The following RANBP17 variants were observed in gnomAD, a reference collection of about 807,000 sequenced individuals.
RANBP17 encodes the protein ran-binding protein 17.
RANBP17 carries 158 observed loss-of-function variants against 141.2 expected under a neutral mutation model. That is an observed-to-expected ratio of 1.12 (90% CI 0.98 to 1.28). The LOEUF (loss-of-function observed/expected upper bound fraction) is 1.28. Among genes scored for constraint, RANBP17 ranks in the 50% most tolerant of loss-of-function variants. The probability of loss-of-function intolerance (pLI) is 0.00; values close to 1 mark genes in which losing one functional copy is unlikely to be tolerated. For synonymous variants in RANBP17, 430 were observed against 450.0 expected (o/e 0.96, Z 0.56); for missense variants, 1,438 against 1,290.7 (o/e 1.11, Z -1.75).
chr5:171,214,825 C>G (rs972278398), intron 21 of RANBP17, among the ~76,000 whole-genome samples: 1 of 151,496 alleles, frequency 6.6e-6, no homozygotes, highest in African/African-American at 2.4e-5. Flanking sequence ...ACATTTAATA[C>G]TAAAGGGAAA....
intron 25 of RANBP17, among the ~76,000 whole-genome samples, chr5:171,287,669 C>A (rs1363008631): frequency 6.6e-6 from 1 of 150,794 alleles, no homozygotes; most frequent in African/African-American, 2.5e-5. Context: ...TTTCTTTGGT[C>A]TGTCTTTTTG....
At chr5:171,021,582 C>T (rs901330959) in intron 14 of RANBP17, among the ~76,000 whole-genome samples, 1 of 152,252 alleles carries the variant, frequency 6.6e-6, no homozygotes, top group Non-Finnish European at 1.5e-5. Flanking sequence ...ATTGTATATG[C>T]TTCACGAAGT....
chr5:171,246,853 T>G (rs1051201230), intron 24 of RANBP17, among the ~76,000 whole-genome samples: 16 of 152,192 alleles, frequency 1.1e-4, no homozygotes, highest in Non-Finnish European at 5.9e-5. Context: ...GTGTTTCATG[T>G]GGATACTTGA....
chr5:171,075,996 A>T (rs892400673), intron 14 of RANBP17, among the ~76,000 whole-genome samples: 1 of 152,176 alleles, frequency 6.6e-6, no homozygotes, highest in East Asian at 1.9e-4. Context: ...GGGGACTTAT[A>T]TGGTATGTGG....
At chr5:170,960,148 A>G (rs1561932933) in intron 13 of RANBP17, among the ~76,000 whole-genome samples, 1 of 152,106 alleles carries the variant, frequency 6.6e-6, no homozygotes, top group Non-Finnish European at 1.5e-5. Context: ...TTACTGCTGT[A>G]TTTTATCTCC....
chr5:171,254,011 GC>G (rs773567682), intron 24 of RANBP17, among the ~76,000 whole-genome samples: 5 of 152,126 alleles, frequency 3.3e-5, no homozygotes, highest in Admixed American at 6.5e-5. Context: ...ACTTTAGGAG[GC>G]CGAGGCGGGT....
intron 24 of RANBP17, chr5:171,252,212 A>G: frequency 1.3e-6 from 2 of 1,577,098 alleles, no homozygotes; most frequent in Non-Finnish European, 1.7e-6. Context: ...TACCTACTAA[A>G]TACAATTGCT....
chr5:170,938,877 TAACTG>T (rs1425726786), intron 12 of RANBP17, among the ~76,000 whole-genome samples: 1 of 152,086 alleles, frequency 6.6e-6, no homozygotes, highest in African/African-American at 2.4e-5. Flanking sequence ...GGAGAGGTGA[TAACTG>T]AAGAAATTCT....
chr5:171,118,984 C>T (rs1211792481), intron 14 of RANBP17, among the ~76,000 whole-genome samples: 1 of 152,062 alleles, frequency 6.6e-6, no homozygotes, highest in Non-Finnish European at 1.5e-5. Flanking sequence ...GAGTGGAAAC[C>T]CTTGTCTTGT....
chr5:170,893,565 G>C (rs541834712), intron 4 of RANBP17, among the ~76,000 whole-genome samples: 6 of 152,004 alleles, frequency 3.9e-5, no homozygotes, highest in African/African-American at 1.4e-4. Flanking sequence ...AGGCCAAGGC[G>C]TGCGGATCAT....
chr5:171,268,258 T>C (rs368739810), intron 25 of RANBP17, among the ~76,000 whole-genome samples: 1 of 152,100 alleles, frequency 6.6e-6, no homozygotes, highest in Non-Finnish European at 1.5e-5. Flanking sequence ...GAAAGTAAAA[T>C]TCAAGGGGAG....
chr5:171,135,285 A>C (rs1757197288), intron 14 of RANBP17, among the ~76,000 whole-genome samples: 1 of 151,552 alleles, frequency 6.6e-6, no homozygotes, highest in Non-Finnish European at 1.5e-5. Flanking sequence ...ATCTCAAAAA[A>C]AAAAAAAAAA....
At chr5:170,882,161 G>A (rs535967861) in intron 3 of RANBP17, among the ~76,000 whole-genome samples, 1 of 152,152 alleles carries the variant, frequency 6.6e-6, no homozygotes, top group African/African-American at 2.4e-5. Context: ...TCAGCTCACT[G>A]CAACCTACGC....
chr5:171,088,581 C>T (rs964815150), intron 14 of RANBP17, among the ~76,000 whole-genome samples: 1 of 152,192 alleles, frequency 6.6e-6, no homozygotes, highest in Admixed American at 6.5e-5. Flanking sequence ...TCCATTCTCC[C>T]CGTCACTTTC....
intron 14 of RANBP17, among the ~76,000 whole-genome samples, chr5:171,028,588 A>G (rs1781368378): frequency 6.6e-6 from 1 of 152,212 alleles, no homozygotes; most frequent in Non-Finnish European, 1.5e-5. Flanking sequence ...CCAAAAAAGC[A>G]ATCTTTTGAT....
At chr5:170,963,499 G>T (rs1202482107) in intron 13 of RANBP17, among the ~76,000 whole-genome samples, 1 of 152,160 alleles carries the variant, frequency 6.6e-6, no homozygotes, top group Non-Finnish European at 1.5e-5. Context: ...AAAGCAGTAG[G>T]CCCCAGGGAC....
At chr5:170,941,493 T>G (rs2127475668) in intron 12 of RANBP17, among the ~76,000 whole-genome samples, 1 of 152,138 alleles carries the variant, frequency 6.6e-6, no homozygotes, top group Admixed American at 6.5e-5. Flanking sequence ...CTAGAAAAAA[T>G]ACTAAAATTG....
intron 3 of RANBP17, among the ~76,000 whole-genome samples, chr5:170,889,702 T>G (rs4867639): frequency 6.6e-6 from 1 of 151,918 alleles, no homozygotes; most frequent in Non-Finnish European, 1.5e-5. Context: ...GCAAAGGACC[T>G]CTAGTGTGTA....
chr5:170,863,362 T>G (rs984550568), intron 1 of RANBP17: 1 of 152,240 alleles, frequency 6.6e-6, no homozygotes, highest in African/African-American at 2.4e-5. Context: ...CTCATTCCCC[T>G]TGTAGACTCT....
Sources: allele counts gnomAD v4.1 joint callset (sites outside exome capture counted in the v4.1 genomes callset), GRCh38; gene constraint gnomAD v4.1.1; transcripts MANE v1.5; gene names NCBI Gene and HGNC (gene_info 2026-07-23, HGNC 2026-07-21).